Variants in STARD6 observed in about 807,000 individuals in gnomAD.
STARD6 encodes the protein stAR-related lipid transfer protein 6.
A neutral mutation model predicts 22.3 loss-of-function variants in STARD6; 21 were observed. The ratio of observed to expected loss-of-function variants is 0.94; its 90% CI spans 0.67 to 1.35. The LOEUF is 1.35. STARD6 is among the 40% of genes most tolerant of loss of function. The pLI is 0.00. For synonymous variants in STARD6, 80 were observed against 88.1 expected (o/e 0.91, Z 0.52); for missense variants, 269 against 266.9 (o/e 1.01, Z -0.05).
At chr18:54,350,243 G>C (rs539384819) in intron 4 of STARD6, among the ~76,000 whole-genome samples, 1 of 152,266 alleles carries the variant, frequency 6.6e-6, no homozygotes, top group Admixed American at 6.5e-5. Context: ...TAGTGATGTT[G>C]AGCATTTTTT....
intron 4 of STARD6, among the ~76,000 whole-genome samples, chr18:54,352,501 T>G (rs1255244772): frequency 6.6e-6 from 1 of 152,204 alleles, no homozygotes; most frequent in Non-Finnish European, 1.5e-5. Flanking sequence ...TGTTGACACC[T>G]TGATTACAGC....
rs1328496289 is a variant in STARD6, at chr18:54,343,434, T to C, written c.141-6183A>G. On this transcript the variant is annotated intron_variant, in intron 4 of 7. Coordinates refer to ENST00000307844, the MANE Select transcript of STARD6 (RefSeq NM_139171.2). ...GAGGGAGGTGGGGGGGTCAGCCCCCTGCCCGGCCAGCCGCCCGGTCTGGGA... is the reference window on the plus strand; with the variant it reads ...GAGGGAGGTGGGGGGGTCAGCCCCCCGCCCGGCCAGCCGCCCGGTCTGGGA... Among the ~76,000 whole-genome samples the C allele has an allele frequency of 7.1e-3, 727 of 101,822 alleles. 5 individuals carry two copies. The highest frequency in any genetic ancestry group is 0.027 in the African/African-American group (614 of 23,024). 66.8% of individuals were successfully genotyped at this position (101,822 alleles called of 152,430 possible). A position where few individuals can be genotyped will look rare whatever the true frequency, so the allele number is the denominator to read the frequency against.
chr18:54,356,494 T>G (rs2089145023), intron 1 of STARD6, 50 bp from the exon 2 acceptor site: 1 of 152,178 alleles, frequency 6.6e-6, no homozygotes, highest in Admixed American at 6.5e-5. Flanking sequence ...ATGAATTAGG[T>G]CAATATATTT....
chr18:54,354,113 G>C lies in STARD6; in HGVS notation c.91-10C>G. On this transcript the variant is annotated splice_polypyrimidine_tract_variant and intron_variant, in intron 3 of 7. Coordinates refer to ENST00000307844, the MANE Select transcript of STARD6 (RefSeq NM_139171.2). ...AAACAGTTATCTTTTTCTCAAAGGG[G>C]AATAAAAATCCACAAATAATTAGCT... 2 of 1,531,470 alleles carry C rather than the reference G, an allele frequency of 1.3e-6. No homozygotes were observed. The highest frequency in any genetic ancestry group is 1.8e-6 in the Non-Finnish European group (2 of 1,133,800). The allele number at this position is 1,531,470 out of a possible 1,614,324, so 94.9% of individuals were successfully genotyped here. A position where few individuals can be genotyped will look rare whatever the true frequency, so the allele number is the denominator to read the frequency against.
At chr18:54,350,778 G>T (rs1346660538) in intron 4 of STARD6, among the ~76,000 whole-genome samples, 1 of 151,938 alleles carries the variant, frequency 6.6e-6, no homozygotes, top group East Asian at 1.9e-4. Flanking sequence ...ACTTTGTTGT[G>T]GATCAGTTGG....
chr18:54,341,694 A>G (rs1252207060), intron 4 of STARD6, among the ~76,000 whole-genome samples: 2 of 152,246 alleles, frequency 1.3e-5, no homozygotes, highest in East Asian at 3.8e-4. Context: ...TAAGTCAAAG[A>G]AAAATTAGAG....
intron 4 of STARD6, among the ~76,000 whole-genome samples, chr18:54,350,144 G>A (rs932024145): frequency 6.6e-5 from 10 of 151,970 alleles, no homozygotes; most frequent in African/African-American, 1.7e-4. Flanking sequence ...ATGCCAAAAT[G>A]TATTATTTTT....
chr18:54,337,009 G>A, intron 5 of STARD6, 116 bp downstream of exon 5: 2 of 958,014 alleles, frequency 2.1e-6, no homozygotes, highest in Non-Finnish European at 2.9e-6. Flanking sequence ...AAGACTTCAA[G>A]TCAATTTGAA....
At chr18:54,339,741 CA>C (rs2088953177) in intron 4 of STARD6, among the ~76,000 whole-genome samples, 1 of 152,016 alleles carries the variant, frequency 6.6e-6, no homozygotes, top group Non-Finnish European at 1.5e-5. Context: ...GTTCTTCAGG[CA>C]AAAGGAAGAG....
Position 54,331,827 on chromosome 18 carries a change from A to T in STARD6, c.300T>A (p.Ser100Arg), listed in dbSNP as rs17470798. The change falls in exon 6 of 8, where the codon AGT (serine) becomes AGA (arginine). Residue 100 changes from serine (S) to arginine (R), a missense_variant. Ser to Arg is a moderately radical substitution (Grantham distance 110). Transcript: ENST00000307844. ...DTFICHTITQSFAVGSISPRD... is the reference protein window; with the variant it reads ...DTFICHTITQRFAVGSISPRD... ...GAGGGGAAATGGAGCCCACGGCAAA[A>T]CTTTGTGTAATGGTATGACATATGA... 1 of 1,610,676 alleles carries T rather than the reference A, an allele frequency of 6.2e-7. No individual in the cohort carries two copies. The highest frequency in any genetic ancestry group is 1.7e-5 in the Admixed American group (1 of 59,924).
chr18:54,338,311 A>G (rs1293926318), intron 4 of STARD6, among the ~76,000 whole-genome samples: 1 of 152,228 alleles, frequency 6.6e-6, no homozygotes, highest in Non-Finnish European at 1.5e-5. Flanking sequence ...AATCCAGAGC[A>G]AAACCACAAA....
intron 4 of STARD6, among the ~76,000 whole-genome samples, chr18:54,341,820 G>T (rs948481600): frequency 6.6e-6 from 1 of 152,072 alleles, no homozygotes; most frequent in Non-Finnish European, 1.5e-5. Context: ...TTTAAAAAAA[G>T]AAGTTCTGAA....
chr18:54,354,287 G>C (rs375125881), intron 3 of STARD6, 184 bp from the exon 4 acceptor site: 1 of 632,468 alleles, frequency 1.6e-6, no homozygotes, highest in African/African-American at 1.8e-5. Flanking sequence ...GCTATTCACA[G>C]GCACAATCAT....
At chr18:54,348,254 T>C (rs998358088) in intron 4 of STARD6, among the ~76,000 whole-genome samples, 4 of 152,132 alleles carry the variant, frequency 2.6e-5, no homozygotes, top group Non-Finnish European at 4.4e-5. Flanking sequence ...CTGTCTCACA[T>C]GTCTGCCTCA....
chr18:54,337,044 A>G, intron 5 of STARD6, 81 bp downstream of exon 5: 1 of 1,270,864 alleles, frequency 7.9e-7, no homozygotes, highest in Non-Finnish European at 1.1e-6. Flanking sequence ...TGTCTACATA[A>G]CATAGTTTTA....
intron 4 of STARD6, among the ~76,000 whole-genome samples, chr18:54,344,962 A>C (rs2089021575): frequency 1.3e-5 from 2 of 152,310 alleles, no homozygotes; most frequent in South Asian, 4.2e-4. Context: ...GGAAAAACTA[A>C]ATACTTTTCT....
At chr18:54,328,693 G>A (rs894934875) in intron 7 of STARD6, among the ~76,000 whole-genome samples, 6 of 151,212 alleles carry the variant, frequency 4.0e-5, no homozygotes, top group African/African-American at 7.3e-5. Context: ...CTGTTATCAC[G>A]TGCCAATATC....
chr18:54,354,846 T>C (rs1003616057), intron 2 of STARD6, among the ~76,000 whole-genome samples: 1 of 152,206 alleles, frequency 6.6e-6, no homozygotes, highest in African/African-American at 2.4e-5. Flanking sequence ...TGTTACTTAA[T>C]ATTTCTGTTT....
chr18:54,328,274 A>G (rs1007671632), intron 7 of STARD6, among the ~76,000 whole-genome samples: 7 of 152,126 alleles, frequency 4.6e-5, no homozygotes, highest in Admixed American at 3.3e-4. Flanking sequence ...AGCCTTTCTA[A>G]TATTTACTGG....
Sources: gnomAD v4.1 joint callset for allele counts (sites outside exome capture counted in the v4.1 genomes callset) on GRCh38, gnomAD v4.1.1 for gene constraint, MANE v1.5 for transcripts, NCBI Gene and HGNC (gene_info 2026-07-23, HGNC 2026-07-21) for gene names.